ZNF746: variants seen among roughly 807,000 people sequenced by gnomAD.
The protein encoded by ZNF746 is zinc finger protein 746.
A neutral mutation model predicts 41.0 loss-of-function variants in ZNF746; 13 were observed. The ratio of observed to expected loss-of-function variants is 0.32; its 90% CI spans 0.21 to 0.50. The LOEUF (loss-of-function observed/expected upper bound fraction) is 0.50, where lower values mean the gene tolerates loss of function less well. Ranked by LOEUF, ZNF746 falls within the 20% of genes least tolerant of loss-of-function variation. The pLI is 0.98. For missense variants in ZNF746, 811 were observed against 922.9 expected (o/e 0.88, Z 1.57); for synonymous variants, 424 against 396.2 (o/e 1.07, Z -0.83).
At position 149,477,771 on chromosome 7, in the gene ZNF746, AGT is replaced by A; in HGVS notation, c.566-18_566-17del. 1 of 1,591,670 alleles carries A rather than the reference AGT, an allele frequency of 6.3e-7. No homozygotes were observed. Reference sequence around the variant, plus strand: ...GGCCCCGAGCCTAGGAAAGGGAGTGAGTGTGAGGATACAGCATCACGGCCCCT... The same window carrying A: ...GGCCCCGAGCCTAGGAAAGGGAGTGAGTGAGGATACAGCATCACGGCCCCT... On this transcript the variant is annotated splice_polypyrimidine_tract_variant and intron_variant, in intron 4 of 6. Transcript: ENST00000458143.
In ZNF746 at chr7:149,497,587, G is replaced by T; in HGVS notation, c.-51C>A. 9.6e-7 allele frequency: 1 copy of T among 1,039,200 alleles called. No individual in the cohort carries two copies. The highest frequency in any genetic ancestry group is 1.7e-5 in the African/African-American group (1 of 57,970). The allele number at this position is 1,039,200 out of a possible 1,614,324, so 64.4% of individuals were successfully genotyped here. A position where few individuals can be genotyped will look rare whatever the true frequency, so the allele number is the denominator to read the frequency against. On this transcript the variant is annotated 5_prime_UTR_variant, in exon 1 of 7. Coordinates refer to ENST00000458143, the MANE Select transcript of ZNF746 (RefSeq NM_001394198.1). This position sits in a 1 kb window ranked among gnomAD's most constrained non-coding sequence, Gnocchi z 4.2. ...GGAGGAAGTCGTCGTCGCCGCCGCC[G>T]CGCGCGGCACCACGCAGGCCCGGCC...
chr7:149,490,462 A>G (rs978455770), intron 4 of ZNF746: 3 of 152,374 alleles, frequency 2.0e-5, no homozygotes, highest in Admixed American at 2.0e-4. Context: ...AATGAACAAA[A>G]CAGGGGCAAG....
rs971614492 is a variant in ZNF746 at position 149,474,318 on chromosome 7, G to A, written c.*66C>T. ...CGCGTCTGCCTGAAGCTTCCACGCC[G>A]CCCTGCTGCCTGCACACGGGGCTTT... On this transcript the variant is annotated 3_prime_UTR_variant, in exon 7 of 7. Coordinates refer to ENST00000458143, the MANE Select transcript of ZNF746 (RefSeq NM_001394198.1). The surrounding 1 kb of genome is among the most constrained non-coding windows in gnomAD (Gnocchi z 6.3). 1.9e-6 allele frequency: 3 copies of A among 1,539,870 alleles called. No individual in the cohort carries two copies. Among genetic ancestry groups the A allele is most frequent in the African/African-American group, 2.7e-5 (2 of 73,018 alleles).
chr7:149,497,713 G>T lies in ZNF746; in HGVS notation c.-177C>A, dbSNP rs1488496927. ...CGCCGCCCGCAGTCGCGCCGCCTCCGTCAGCGCCCGGCCGGTCCACACTGC... is the reference window on the plus strand; with the variant it reads ...CGCCGCCCGCAGTCGCGCCGCCTCCTTCAGCGCCCGGCCGGTCCACACTGC... On this transcript the variant is annotated 5_prime_UTR_variant, in exon 1 of 7. Transcript: ENST00000458143. This position sits in a 1 kb window ranked among gnomAD's most constrained non-coding sequence, Gnocchi z 4.2. 1 of 284,972 alleles carries T rather than the reference G, an allele frequency of 3.5e-6. No homozygotes were observed. Among genetic ancestry groups the T allele is most frequent in the Non-Finnish European group, 5.3e-6 (1 of 188,374 alleles). The allele number at this position is 284,972 out of a possible 1,614,324, so 17.7% of individuals were successfully genotyped here.
At chr7:149,480,422 G>GTTTT (rs1490544798) in intron 4 of ZNF746, among the ~76,000 whole-genome samples, 2 of 142,232 alleles carry the variant, frequency 1.4e-5, no homozygotes, top group Middle Eastern at 3.8e-3. Context: ...AATAACTGTT[G>GTTTT]TTTTGTTTGT....
At chr7:149,476,288 T>A (rs1450922535) in intron 6 of ZNF746, among the ~76,000 whole-genome samples, 2 of 112,966 alleles carry the variant, frequency 1.8e-5, no homozygotes, top group Non-Finnish European at 3.3e-5. Context: ...ACTCCAAGCC[T>A]GGGGGACAGA....
In ZNF746 at chr7:149,474,819, A is replaced by G. The variant is rs1046150583; in HGVS notation, c.1548T>C (p.Gly516=). The G allele has an allele frequency of 1.9e-5, 28 of 1,439,110 alleles. No homozygotes were observed. The highest frequency in any genetic ancestry group is 2.5e-5 in the Non-Finnish European group (28 of 1,103,428). 89.1% of individuals were successfully genotyped at this position (1,439,110 alleles called of 1,614,324 possible). The change falls in exon 7 of 7, where the codon GGT becomes GGC. Residue 516 remains glycine (G), a synonymous_variant. Coordinates refer to ENST00000458143, the MANE Select transcript of ZNF746 (RefSeq NM_001394198.1). The surrounding 1 kb of genome is among the most constrained non-coding windows in gnomAD (Gnocchi z 6.3). ...SGSGGGGGGS[G]GGSARDGSAL... ...CGCTGCCATCCCGTGCGCTGCCCCC[A>G]CCGCTGCCGCCACCGCCGCCGCCAC...
At position 149,494,761 on chromosome 7, in the gene ZNF746, A is replaced by G. The variant is rs1256229332; in HGVS notation, c.25-258T>C. On this transcript the variant is annotated intron_variant, in intron 1 of 6. Transcript: ENST00000458143. The surrounding 1 kb of genome is among the most constrained non-coding windows in gnomAD (Gnocchi z 5.6). Reference sequence around the variant, plus strand: ...ATCACGGTGCTTATCACCCTACACAATAATTTCCTACCCACACCTACACTG... The same window carrying G: ...ATCACGGTGCTTATCACCCTACACAGTAATTTCCTACCCACACCTACACTG... Among the ~76,000 whole-genome samples, 28 of 151,546 alleles carry G rather than the reference A, an allele frequency of 1.8e-4. No homozygotes were observed. The highest frequency in any genetic ancestry group is 4.4e-5 in the Non-Finnish European group (3 of 67,892).
Position 149,477,684 on chromosome 7 carries a change from C to T in ZNF746, c.637G>A (p.Glu213Lys). The T allele has an allele frequency of 6.2e-7, 1 of 1,613,990 alleles. No homozygotes were observed. Among genetic ancestry groups the T allele is most frequent in the Non-Finnish European group, 8.5e-7 (1 of 1,179,964 alleles). ...GCCTCCACGCCCAGGGCCTGCTGCT[C>T]CTGGAGCTGGAGCTCACCCTCCTGC... ...IKQEGELQLQ[E>K]QQALGVEAWA... Residue 213 changes from glutamate to lysine, a missense_variant, in exon 5 of 7, where the codon GAG (glutamate) becomes AAG (lysine). Coordinates refer to ENST00000458143, the MANE Select transcript of ZNF746 (RefSeq NM_001394198.1).
intron 4 of ZNF746, among the ~76,000 whole-genome samples, chr7:149,485,859 T>C (rs1800609434): frequency 1.3e-5 from 2 of 151,996 alleles, no homozygotes; most frequent in South Asian, 4.1e-4. Context: ...GCCAACATGG[T>C]GAAACACTGT....
chr7:149,475,023 T>C lies in ZNF746; in HGVS notation c.1344A>G (p.Lys448=), dbSNP rs900641661. ...TCAGCCCTGGCTTGTGGCCAAAGCCTTTGGTCCGGCCAGGGTATTTACAGG... is the reference window on the plus strand; with the variant it reads ...TCAGCCCTGGCTTGTGGCCAAAGCCCTTGGTCCGGCCAGGGTATTTACAGG... ...NEPCKYPGRT[K]GFGHKPGLKK... is the part of the protein sequence containing the mutation. The change falls in exon 7 of 7, where the codon AAA becomes AAG. Residue 448 remains lysine (K), a synonymous_variant. Coordinates refer to ENST00000458143, the MANE Select transcript of ZNF746 (RefSeq NM_001394198.1). The C allele has an allele frequency of 2.7e-5, 42 of 1,555,390 alleles. No homozygotes were observed. The highest frequency in any genetic ancestry group is 3.2e-5 in the Non-Finnish European group (37 of 1,149,886).
intron 5 of ZNF746, among the ~76,000 whole-genome samples, chr7:149,477,252 C>T (rs970788238): frequency 6.6e-6 from 1 of 152,140 alleles, no homozygotes; most frequent in African/African-American, 2.4e-5. Flanking sequence ...CAGTATGTTT[C>T]CCACGGGCCC....
rs370493107 is a variant in ZNF746, at chr7:149,474,256, T to C, written c.*128A>G. 5.6e-6 allele frequency: 6 copies of C among 1,068,506 alleles called. No homozygotes were observed. In the East Asian group the frequency reaches 7.8e-5, roughly 14 times the overall value. 66.2% of individuals were successfully genotyped at this position (1,068,506 alleles called of 1,614,324 possible). On this transcript the variant is annotated 3_prime_UTR_variant, in exon 7 of 7. Coordinates refer to ENST00000458143, the MANE Select transcript of ZNF746 (RefSeq NM_001394198.1). This position sits in a 1 kb window ranked among gnomAD's most constrained non-coding sequence, Gnocchi z 6.3. ...ATAGTTTCTCTTTCTCCAGTGATCA[T>C]CAGTTCAGCAACTTGGACATTTGGT...
chr7:149,487,819 A>G (rs1238213917), intron 4 of ZNF746: 2 of 152,224 alleles, frequency 1.3e-5, no homozygotes, highest in Non-Finnish European at 2.9e-5. Flanking sequence ...TAATGTTGTC[A>G]TGAGAGCAAT....
Position 149,497,675 on chromosome 7 carries a change from T to G in ZNF746, c.-139A>C. ...TCCTCTGCCGCCGCTCCTCGCTGGC[T>G]GCCCCTGCGCCGCGCCGCCCGCAGT... On this transcript the variant is annotated 5_prime_UTR_variant, in exon 1 of 7. Transcript: ENST00000458143. This position sits in a 1 kb window ranked among gnomAD's most constrained non-coding sequence, Gnocchi z 4.2. 2 of 606,408 alleles carry G rather than the reference T, an allele frequency of 3.3e-6. No homozygotes were observed. The highest frequency in any genetic ancestry group is 4.2e-6 in the Non-Finnish European group (2 of 481,418). The allele number at this position is 606,408 out of a possible 1,614,324, so 37.6% of individuals were successfully genotyped here.
Position 149,474,217 on chromosome 7 carries a change from AG to A in ZNF746, c.*166del, listed in dbSNP as rs1280653664. 5.5e-6 allele frequency: 4 copies of A among 730,120 alleles called. No individual in the cohort carries two copies. Among genetic ancestry groups the A allele is most frequent in the Non-Finnish European group, 8.8e-6 (4 of 455,120 alleles). The allele number at this position is 730,120 out of a possible 1,614,324, so 45.2% of individuals were successfully genotyped here. On this transcript the variant is annotated 3_prime_UTR_variant, in exon 7 of 7. Transcript: ENST00000458143. This position sits in a 1 kb window ranked among gnomAD's most constrained non-coding sequence, Gnocchi z 6.3. ...GAATTCTACTTGGTTTAGAGGTGGC[AG>A]CTGTCCTGGTGGATAGTTTCTCTTT...
intron 4 of ZNF746, among the ~76,000 whole-genome samples, chr7:149,483,648 G>A (rs1800544602): frequency 6.6e-6 from 1 of 151,602 alleles, no homozygotes; most frequent in Non-Finnish European, 1.5e-5. Context: ...AAAAATTAAT[G>A]GGTTAAGCGT....
chr7:149,495,847 G>T (rs1282792190), intron 1 of ZNF746, among the ~76,000 whole-genome samples: 1 of 152,180 alleles, frequency 6.6e-6, no homozygotes, highest in East Asian at 1.9e-4. Flanking sequence ...GACTCTAAGG[G>T]GTCTTCAAGG....
Position 149,497,576 on chromosome 7 carries a change from T to C in ZNF746, c.-40A>G, listed in dbSNP as rs941784239. The C allele has an allele frequency of 2.9e-6, 3 of 1,046,546 alleles. No homozygotes were observed. The highest frequency in any genetic ancestry group is 3.4e-6 in the Non-Finnish European group (3 of 873,230). The allele number at this position is 1,046,546 out of a possible 1,614,324, so 64.8% of individuals were successfully genotyped here. ...CCGCCCGGCCCGGAGGAAGTCGTCG[T>C]CGCCGCCGCCGCGCGCGGCACCACG... On this transcript the variant is annotated 5_prime_UTR_variant, in exon 1 of 7. Coordinates refer to ENST00000458143, the MANE Select transcript of ZNF746 (RefSeq NM_001394198.1). This position sits in a 1 kb window ranked among gnomAD's most constrained non-coding sequence, Gnocchi z 4.2.
Sources: gnomAD v4.1 joint callset for allele counts (sites outside exome capture counted in the v4.1 genomes callset) on GRCh38, gnomAD v4.1.1 for gene constraint, Gnocchi (gnomAD v3.1) non-coding constraint, MANE v1.5 for transcripts, NCBI Gene and HGNC (gene_info 2026-07-23, HGNC 2026-07-21) for gene names.